The following CD55 variants were observed in gnomAD, a reference collection of about 807,000 sequenced individuals.
CD55 encodes CD55 molecule (Cromer blood group).
In CD55, 41 loss-of-function variants were observed where a neutral mutation model predicts 45.8. The observed-to-expected ratio is 0.90, with a 90% CI of 0.70 to 1.16. The LOEUF is 1.16. Ranked by LOEUF, CD55 falls within the 50% of genes most tolerant of loss-of-function variation. The pLI, the probability that CD55 is intolerant of heterozygous loss-of-function variation, is 0.00. For missense variants in CD55, 416 were observed against 469.8 expected, an observed-to-expected ratio of 0.89 and a Z score of 1.06; for synonymous variants, 181 against 181.1, an observed-to-expected ratio of 1.00 and a Z score of 0.01.
At chr1:207,328,170 T>G (rs28371607) in intron 5 of CD55, among the ~76,000 whole-genome samples, 3 of 152,308 alleles carry the variant, frequency 2.0e-5, no homozygotes, top group South Asian at 4.1e-4. Context: ...CCCTATCTGG[T>G]GTCTTGAACT....
chr1:207,321,799 C>T lies in CD55; in HGVS notation c.34C>T (p.Leu12=), dbSNP rs936430730. The T allele has an allele frequency of 2.6e-6, 4 of 1,526,322 alleles. No individual in the cohort carries two copies. In the African/African-American group the frequency reaches 4.2e-5, roughly 16 times the overall value. The allele number at this position is 1,526,322 out of a possible 1,614,324, so 94.5% of individuals were successfully genotyped here. A position where few individuals can be genotyped will look rare whatever the true frequency, so the allele number is the denominator to read the frequency against. ...TVARPSVPAA[L]PLLGELPRLL... is the part of the protein sequence containing the mutation. ...CGCGCGGCCGAGCGTGCCCGCGGCGCTGCCCCTCCTCGGGGAGCTGCCCCG... is the reference window on the plus strand; with the variant it reads ...CGCGCGGCCGAGCGTGCCCGCGGCGTTGCCCCTCCTCGGGGAGCTGCCCCG... The change falls in exon 1 of 10, where the codon CTG becomes TTG. Residue 12 remains leucine (L), a synonymous_variant. Coordinates refer to ENST00000367064, the MANE Select transcript of CD55 (RefSeq NM_000574.5).
chr1:207,340,551 T>C, intron 9 of CD55: 1 of 699,122 alleles, frequency 1.4e-6, no homozygotes, highest in Non-Finnish European at 2.6e-6. Context: ...AATTTATTTT[T>C]TGTAGAGACA....
At chr1:207,323,169 A>G (rs1033936959) in intron 2 of CD55, among the ~76,000 whole-genome samples, 2 of 151,260 alleles carry the variant, frequency 1.3e-5, no homozygotes, top group African/African-American at 4.9e-5. Flanking sequence ...ATATATATAT[A>G]GGGAGAGAGA....
intron 8 of CD55, among the ~76,000 whole-genome samples, chr1:207,338,213 G>A (rs1242640315): frequency 6.6e-6 from 1 of 152,048 alleles, no homozygotes; most frequent in African/African-American, 2.4e-5. Flanking sequence ...TCCATAAGTA[G>A]TACATAATAA....
In CD55 at chr1:207,331,310, A is replaced by G; in HGVS notation, c.853+14A>G. On this transcript the variant is annotated intron_variant, in intron 6 of 9. Transcript: ENST00000367064. ...CTGAATGCAGAGGTAATCACTTTGG[A>G]TAGTTATATTTTTGCTTTATTCTTA... 6.2e-7 allele frequency: 1 copy of G among 1,608,552 alleles called. No individual in the cohort carries two copies. Among genetic ancestry groups the G allele is most frequent in the African/African-American group, 1.3e-5 (1 of 74,844 alleles).
chr1:207,342,524 C>T (rs1005512999), intron 9 of CD55, among the ~76,000 whole-genome samples: 4 of 152,062 alleles, frequency 2.6e-5, no homozygotes, highest in Non-Finnish European at 4.4e-5. Context: ...GTTGAATCAT[C>T]CTTGCATCCC....
chr1:207,352,662 T>A (rs539035873), intron 9 of CD55, among the ~76,000 whole-genome samples: 6 of 152,298 alleles, frequency 3.9e-5, no homozygotes, highest in Admixed American at 6.5e-5. Context: ...TATTTGAAGC[T>A]TAATGTGATT....
At chr1:207,348,874 A>G (rs936947413) in intron 9 of CD55, among the ~76,000 whole-genome samples, 1 of 152,152 alleles carries the variant, frequency 6.6e-6, no homozygotes, top group African/African-American at 2.4e-5. Context: ...AGATGGTTGT[A>G]GGGGTGTGGC....
At chr1:207,344,374 A>G (rs916443080) in intron 9 of CD55, among the ~76,000 whole-genome samples, 11 of 152,266 alleles carry the variant, frequency 7.2e-5, no homozygotes, top group South Asian at 2.1e-4. Context: ...TCTTCTGGGT[A>G]TAGCACTCCC....
At chr1:207,356,458 T>A (rs1056224671) in intron 9 of CD55, among the ~76,000 whole-genome samples, 7 of 152,172 alleles carry the variant, frequency 4.6e-5, no homozygotes, top group African/African-American at 1.7e-4. Context: ...TCCACTGATT[T>A]TTTTCCACTC....
intron 1 of CD55, 118 bp downstream of exon 1, chr1:207,321,983 T>C (rs34272121): frequency 2.2e-4 from 151 of 696,832 alleles, no homozygotes; most frequent in Non-Finnish European, 3.3e-4. Flanking sequence ...CCCGCGGTCG[T>C]GGTTCCCGCC....
chr1:207,349,258 C>T (rs988197017), intron 9 of CD55, among the ~76,000 whole-genome samples: 3 of 151,264 alleles, frequency 2.0e-5, no homozygotes, highest in African/African-American at 7.3e-5. Flanking sequence ...TCTTGGTTCA[C>T]TGCAACCTCC....
At position 207,338,351 on chromosome 1, in the gene CD55, G is replaced by GT. The variant is rs539484416; in HGVS notation, c.1060+949dup. Among the ~76,000 whole-genome samples the GT allele has an allele frequency of 3.4e-3, 517 of 152,082 alleles. 6 individuals are homozygous for GT. The highest frequency in any genetic ancestry group is 7.0e-3 in the Admixed American group (107 of 15,250). On this transcript the variant is annotated intron_variant, in intron 8 of 9. Coordinates refer to ENST00000367064, the MANE Select transcript of CD55 (RefSeq NM_000574.5). ...TATACTAATTTTAATTCTTTATGTG[G>GT]TTTTTTTACTTCTTTACAATTTTAT...
chr1:207,322,320 A>G (rs1654453067), intron 1 of CD55, 62 bp from the exon 2 acceptor site: 1 of 1,428,662 alleles, frequency 7.0e-7, no homozygotes, highest in Non-Finnish European at 9.9e-7. Flanking sequence ...TTGTGTCTTG[A>G]AAACAGCAAC....
intron 9 of CD55, among the ~76,000 whole-genome samples, chr1:207,345,937 C>G (rs1376020440): frequency 1.3e-5 from 2 of 152,186 alleles, no homozygotes; most frequent in African/African-American, 4.8e-5. Context: ...GGCCAATGTT[C>G]GGACCCAAGT....
chr1:207,331,058 A>C, intron 5 of CD55, 50 bp from the exon 6 acceptor site: 2 of 1,263,894 alleles, frequency 1.6e-6, no homozygotes, highest in Non-Finnish European at 2.2e-6. Context: ...ATTTGTAAAA[A>C]TACTTTACTA....
chr1:207,349,258 C>G (rs988197017), intron 9 of CD55, among the ~76,000 whole-genome samples: 1 of 151,264 alleles, frequency 6.6e-6, no homozygotes, highest in Admixed American at 6.6e-5. Context: ...TCTTGGTTCA[C>G]TGCAACCTCC....
chr1:207,336,825 A>G lies in CD55; in HGVS notation c.979+7A>G, dbSNP rs879059560. 6.2e-7 allele frequency: 1 copy of G among 1,613,702 alleles called. No homozygotes were observed. The highest frequency in any genetic ancestry group is 8.5e-7 in the Non-Finnish European group (1 of 1,179,762). On this transcript the variant is annotated splice_region_variant and intron_variant, in intron 7 of 9. Coordinates refer to ENST00000367064, the MANE Select transcript of CD55 (RefSeq NM_000574.5). ...ACCACACCAAATGCTCAAGGTACAG[A>G]GACTCCATCAGTTCTTCAAAAACAC... is the stretch of plus-strand genomic sequence containing the variant.
At chr1:207,359,451 G>A in intron 9 of CD55, 95 bp from the exon 10 acceptor site, 1 of 1,235,860 alleles carries the variant, frequency 8.1e-7, no homozygotes, top group Non-Finnish European at 1.1e-6. Context: ...TCTTTTTGGT[G>A]ATTTATCACA....
Sources: allele counts gnomAD v4.1 joint callset (sites outside exome capture counted in the v4.1 genomes callset), GRCh38; gene constraint gnomAD v4.1.1; transcripts MANE v1.5; gene names NCBI Gene and HGNC (gene_info 2026-07-23, HGNC 2026-07-21).